The following TAS2R1 variants were observed in gnomAD, a reference collection of about 807,000 sequenced individuals.
The protein encoded by TAS2R1 is taste receptor type 2 member 1.
For missense variants in TAS2R1, 370 were observed against 353.4 expected, an observed-to-expected ratio of 1.05 and a Z score of -0.38; for synonymous variants, 141 against 134.2, an observed-to-expected ratio of 1.05 and a Z score of -0.35.
At chr5:9,804,631 G>A in the TAS2R1 span, among the ~76,000 whole-genome samples, 1,167 of 152,206 alleles carry the variant, frequency 7.7e-3, 21 homozygotes, top group African/African-American at 0.027. Context: ...TAAACAACCT[G>A]TTCCTGAATA....
At chr5:9,671,612 A>G (rs1432727017) in intron 1 of TAS2R1, among the ~76,000 whole-genome samples, 1 of 152,192 alleles carries the variant, frequency 6.6e-6, no homozygotes, top group Non-Finnish European at 1.5e-5. Context: ...AATGAGAATT[A>G]CAAAACACTG....
intron 1 of TAS2R1, among the ~76,000 whole-genome samples, chr5:9,687,297 G>A (rs1184455814): frequency 6.6e-6 from 1 of 152,144 alleles, no homozygotes; most frequent in East Asian, 1.9e-4. Context: ...ATCCTGTAGT[G>A]CTCTCCAAAC....
At chr5:9,821,889 C>T in the TAS2R1 span, among the ~76,000 whole-genome samples, 4 of 152,174 alleles carry the variant, frequency 2.6e-5, no homozygotes, top group Non-Finnish European at 4.4e-5. Context: ...AATCACTCCA[C>T]GTGTCAGTTT....
the TAS2R1 span, among the ~76,000 whole-genome samples, chr5:9,795,418 A>G: frequency 9.9e-5 from 15 of 152,188 alleles, no homozygotes; most frequent in African/African-American, 3.4e-4. Context: ...TCTAGCACAT[A>G]ACAGGTGTGC....
At chr5:9,902,981 A>G in the TAS2R1 span, among the ~76,000 whole-genome samples, 460 of 152,144 alleles carry the variant, frequency 3.0e-3, 6 homozygotes, top group African/African-American at 0.011. Flanking sequence ...GTAAGTGTAT[A>G]TATTTCTGGT....
chr5:9,708,683 A>G (rs1411899713), intron 1 of TAS2R1, among the ~76,000 whole-genome samples: 2 of 151,798 alleles, frequency 1.3e-5, no homozygotes, highest in Non-Finnish European at 2.9e-5. Flanking sequence ...CCCAGCATTC[A>G]ATCATTAAAT....
chr5:9,813,205 C>G, the TAS2R1 span, among the ~76,000 whole-genome samples: 5 of 152,060 alleles, frequency 3.3e-5, no homozygotes. Flanking sequence ...AAGATGGTAA[C>G]CTACAAGTCA....
At chr5:9,639,616 A>G (rs997107383) in intron 2 of TAS2R1, among the ~76,000 whole-genome samples, 1 of 152,170 alleles carries the variant, frequency 6.6e-6, no homozygotes, top group African/African-American at 2.4e-5. Flanking sequence ...CATGTGGAAG[A>G]TGCACATTAG....
At chr5:9,807,955 G>A in the TAS2R1 span, among the ~76,000 whole-genome samples, 1 of 151,966 alleles carries the variant, frequency 6.6e-6, no homozygotes, top group Non-Finnish European at 1.5e-5. Flanking sequence ...AGTAGCCCAA[G>A]TTAACTGAGA....
At chr5:9,791,020 G>A in the TAS2R1 span, among the ~76,000 whole-genome samples, 1 of 152,192 alleles carries the variant, frequency 6.6e-6, no homozygotes, top group African/African-American at 2.4e-5. Flanking sequence ...CCAGCACTAT[G>A]GATGTCTTCC....
intron 2 of TAS2R1, among the ~76,000 whole-genome samples, chr5:9,640,497 T>TAAAAA (rs56140715): frequency 0.025 from 1,487 of 58,896 alleles, 153 homozygotes; most frequent in African/African-American, 0.037. Flanking sequence ...TTCAATTCCT[T>TAAAAA]AAAAAAAAAA....
the TAS2R1 span, among the ~76,000 whole-genome samples, chr5:9,791,207 C>A: frequency 6.6e-6 from 1 of 152,150 alleles, no homozygotes; most frequent in South Asian, 2.1e-4. Flanking sequence ...CACACATACA[C>A]ACACACACAC....
the TAS2R1 span, chr5:9,889,798 G>A: frequency 1.3e-5 from 2 of 152,204 alleles, no homozygotes; most frequent in African/African-American, 2.4e-5. Flanking sequence ...ATCCAACCCA[G>A]GCTGACGAAG....
At chr5:9,791,162 A>G in the TAS2R1 span, among the ~76,000 whole-genome samples, 1 of 152,200 alleles carries the variant, frequency 6.6e-6, no homozygotes, top group African/African-American at 2.4e-5. Context: ...TTAGTCTTAT[A>G]GCTGTGAAGT....
At chr5:9,842,924 AG>A in the TAS2R1 span, among the ~76,000 whole-genome samples, 1 of 152,174 alleles carries the variant, frequency 6.6e-6, no homozygotes, top group Admixed American at 6.5e-5. Flanking sequence ...TTGGACAAAT[AG>A]CTTGAGGAAG....
the TAS2R1 span, among the ~76,000 whole-genome samples, chr5:9,865,111 T>C: frequency 2.0e-5 from 3 of 152,172 alleles, no homozygotes; most frequent in South Asian, 6.2e-4. Flanking sequence ...TCACTCTGGC[T>C]GCTGAGTGGA....
chr5:9,800,915 GGC>G, the TAS2R1 span, among the ~76,000 whole-genome samples: 4 of 152,304 alleles, frequency 2.6e-5, no homozygotes, highest in Non-Finnish European at 5.9e-5. Context: ...GAAGAGGCTG[GGC>G]ATGGTGGCTC....
the TAS2R1 span, among the ~76,000 whole-genome samples, chr5:9,758,159 T>C: frequency 6.6e-6 from 1 of 152,152 alleles, no homozygotes; most frequent in Admixed American, 6.5e-5. Flanking sequence ...TTAAAGAAAC[T>C]CTAAGAATAT....
chr5:9,895,412 T>G, the TAS2R1 span, among the ~76,000 whole-genome samples: 1 of 152,172 alleles, frequency 6.6e-6, no homozygotes, highest in Non-Finnish European at 1.5e-5. Flanking sequence ...TGAAAGTCAA[T>G]ACCACCCCCT....
Sources: gnomAD v4.1 joint callset for allele counts (sites outside exome capture counted in the v4.1 genomes callset) on GRCh38, gnomAD v4.1.1 for gene constraint, MANE v1.5 for transcripts, NCBI Gene and HGNC (gene_info 2026-07-23, HGNC 2026-07-21) for gene names.